The following LRMDA variants were observed in gnomAD, a reference collection of about 807,000 sequenced individuals.
LRMDA encodes leucine rich melanocyte differentiation associated.
In LRMDA, 18 loss-of-function variants were observed where a neutral mutation model predicts 29.8. The ratio of observed to expected loss-of-function variants is 0.60; its 90% CI spans 0.42 to 0.90. The LOEUF (loss-of-function observed/expected upper bound fraction) is 0.90, where lower values mean the gene tolerates loss of function less well. Ranked by LOEUF, LRMDA falls within the 40% of genes least tolerant of loss-of-function variation. The probability of loss-of-function intolerance (pLI) is 0.00; values close to 1 mark genes in which losing one functional copy is unlikely to be tolerated. For missense variants in LRMDA, 273 were observed against 273.9 expected (o/e 1.00, Z 0.02); for synonymous variants, 125 against 109.4 (o/e 1.14, Z -0.89).
intron 2 of LRMDA, among the ~76,000 whole-genome samples, chr10:75,633,021 G>T (rs184989727): frequency 6.6e-6 from 1 of 152,056 alleles, no homozygotes. Flanking sequence ...GGGCTTGAGC[G>T]TGTGTTTGAG....
chr10:75,440,355 T>A (rs184857035), intron 2 of LRMDA, among the ~76,000 whole-genome samples: 1 of 151,824 alleles, frequency 6.6e-6, no homozygotes, highest in East Asian at 1.9e-4. Context: ...TGGTTTCACA[T>A]CTGGTCAGGA....
Position 76,275,183 on chromosome 10 carries a change from T to G in LRMDA, c.517-49218T>G, listed in dbSNP as rs1418270767. 7.2e-5 allele frequency among the ~76,000 whole-genome samples: 11 copies of G among 152,236 alleles called. No homozygotes were observed. The East Asian group carries it at 1.9e-3, about 27-fold the overall frequency. On this transcript the variant is annotated intron_variant, in intron 5 of 6. Transcript: ENST00000611255. ...TATGATTTACATATATATAGAAATA[T>G]TTCTTCATTGTTTCCTTGTATTGAA...
intron 5 of LRMDA, among the ~76,000 whole-genome samples, chr10:76,286,854 A>G (rs1333948642): frequency 2.6e-5 from 4 of 152,330 alleles, no homozygotes; most frequent in African/African-American, 9.6e-5. Flanking sequence ...TCCAAATCCT[A>G]GCTTTGCCAG....
intron 5 of LRMDA, among the ~76,000 whole-genome samples, chr10:76,071,027 C>T (rs561114465): frequency 4.6e-5 from 7 of 152,062 alleles, no homozygotes; most frequent in Admixed American, 6.5e-5. Flanking sequence ...AGGACCAATG[C>T]GGGAAAGGAT....
chr10:75,605,207 A>G (rs572087624), intron 2 of LRMDA, among the ~76,000 whole-genome samples: 20 of 152,256 alleles, frequency 1.3e-4, no homozygotes, highest in African/African-American at 3.6e-4. Flanking sequence ...TTCTAAATCA[A>G]TTTCTCCAAG....
chr10:75,465,222 T>G (rs1244864548), intron 2 of LRMDA, among the ~76,000 whole-genome samples: 3 of 152,186 alleles, frequency 2.0e-5, no homozygotes, highest in African/African-American at 7.2e-5. Flanking sequence ...CACTGTAAAC[T>G]AGAATGGAAT....
intron 6 of LRMDA, among the ~76,000 whole-genome samples, chr10:76,531,404 A>C (rs569138420): frequency 3.7e-4 from 57 of 152,278 alleles, no homozygotes; most frequent in African/African-American, 1.3e-3. Flanking sequence ...TTTGATACTA[A>C]ATATGATGTT....
chr10:75,851,450 C>CA (rs1844731820), intron 2 of LRMDA, among the ~76,000 whole-genome samples: 1 of 152,144 alleles, frequency 6.6e-6, no homozygotes, highest in South Asian at 2.1e-4. Flanking sequence ...CATCAACTTG[C>CA]AATACCCCTG....
At chr10:76,235,556 C>G (rs1464405149) in intron 5 of LRMDA, among the ~76,000 whole-genome samples, 1 of 151,858 alleles carries the variant, frequency 6.6e-6, no homozygotes, top group African/African-American at 2.4e-5. Context: ...ATGAATGGGC[C>G]CTCAGAATAG....
chr10:75,787,291 A>C (rs1341343360), intron 2 of LRMDA, among the ~76,000 whole-genome samples: 2 of 152,178 alleles, frequency 1.3e-5, no homozygotes. Flanking sequence ...CCACATTGTC[A>C]GGATTCCTGG....
chr10:76,430,318 C>A (rs758254574), intron 6 of LRMDA, among the ~76,000 whole-genome samples: 22 of 152,104 alleles, frequency 1.4e-4, no homozygotes, highest in Non-Finnish European at 2.6e-4. Context: ...GGAGCCCCTT[C>A]CAGAGGAGTT....
chr10:76,224,296 G>T (rs1440465088), intron 5 of LRMDA, among the ~76,000 whole-genome samples: 2 of 151,906 alleles, frequency 1.3e-5, no homozygotes, highest in East Asian at 3.9e-4. Context: ...ATGGGGGCCA[G>T]GCATGATGGC....
intron 5 of LRMDA, among the ~76,000 whole-genome samples, chr10:76,096,327 G>T (rs529717271): frequency 6.6e-6 from 1 of 151,888 alleles, no homozygotes; most frequent in South Asian, 2.1e-4. Flanking sequence ...GGTTGTTTTT[G>T]TTTTTTTGTA....
rs577141698 is a variant in LRMDA, at chr10:76,138,500, C to A, written c.516+79717C>A. On this transcript the variant is annotated intron_variant, in intron 5 of 6. Coordinates refer to ENST00000611255, the MANE Select transcript of LRMDA (RefSeq NM_001305581.2). ...GGCATTCCTCAATTATAGTCTTAAA[C>A]CTGGCCAAGCGAGAACAAATGGTGA... Among the ~76,000 whole-genome samples the A allele has an allele frequency of 9.9e-4, 151 of 152,298 alleles. 4 individuals carry two copies. The South Asian group carries it at 0.031, about 31-fold the overall frequency.
intron 6 of LRMDA, among the ~76,000 whole-genome samples, chr10:76,364,736 C>G (rs75507347): frequency 0.048 from 7,223 of 151,770 alleles, 266 homozygotes; most frequent in African/African-American, 0.11. Flanking sequence ...TATTGGGGTA[C>G]AGGTGGTATT....
intron 2 of LRMDA, among the ~76,000 whole-genome samples, chr10:75,887,142 T>C (rs1447777729): frequency 6.6e-6 from 1 of 150,422 alleles, no homozygotes; most frequent in Non-Finnish European, 1.5e-5. Flanking sequence ...TATATATACA[T>C]TTATACATAA....
At position 76,560,090 on chromosome 10, in the gene LRMDA, C is replaced by T. The variant is rs1054624594; in HGVS notation, c.*2802C>T. ...AGAAGCACATTATAAGAGATTATCA[C>T]TTGATCAGGCTGCATGTCTGAGTGT... On this transcript the variant is annotated 3_prime_UTR_variant, in exon 7 of 7. Transcript: ENST00000611255. 6.6e-6 allele frequency: 1 copy of T among 152,202 alleles called. No individual in the cohort carries two copies. The highest frequency in any genetic ancestry group is 2.4e-5 in the African/African-American group (1 of 41,452). The allele number at this position is 152,202 out of a possible 1,614,324, so 9.4% of individuals were successfully genotyped here.
At chr10:76,535,590 A>G (rs1257466314) in intron 6 of LRMDA, among the ~76,000 whole-genome samples, 3 of 152,308 alleles carry the variant, frequency 2.0e-5, no homozygotes, top group Non-Finnish European at 2.9e-5. Context: ...ATATGCCAAG[A>G]AAAACAAGCC....
chr10:76,443,479 T>C (rs1355033446), intron 6 of LRMDA, among the ~76,000 whole-genome samples: 1 of 152,224 alleles, frequency 6.6e-6, no homozygotes, highest in African/African-American at 2.4e-5. Context: ...TAGTTAGCTT[T>C]CTGAGACTCT....
Sources: allele counts gnomAD v4.1 joint callset (sites outside exome capture counted in the v4.1 genomes callset), GRCh38; gene constraint gnomAD v4.1.1; transcripts MANE v1.5; gene names NCBI Gene and HGNC (gene_info 2026-07-23, HGNC 2026-07-21).